The following PUDP variants were observed in gnomAD, a reference collection of about 807,000 sequenced individuals.
PUDP encodes the protein pseudouridine 5'-phosphatase.
A neutral mutation model predicts 9.4 loss-of-function variants in PUDP; 8 were observed. That is an observed-to-expected ratio of 0.85 (90% CI 0.50 to 1.53). The LOEUF (loss-of-function observed/expected upper bound fraction) is 1.53, where lower values mean the gene tolerates loss of function less well. PUDP is among the 40% of genes most tolerant of loss of function. PUDP has a pLI of 0.00. For synonymous variants in PUDP, 99 were observed against 80.7 expected (o/e 1.23, Z -1.22); for missense variants, 188 against 189.7 (o/e 0.99, Z 0.05).
chrX:6,921,906 C>T (rs889518309), intron 3 of PUDP, among the ~76,000 whole-genome samples: 3 of 111,649 alleles, frequency 2.7e-5, no homozygotes, highest in Non-Finnish European at 1.9e-5. Flanking sequence ...CCGGGCTCAT[C>T]TGTCAAACCA....
chrX:7,132,736 C>G (rs1351399785), intron 1 of PUDP, among the ~76,000 whole-genome samples: 1 of 111,537 alleles, frequency 9.0e-6, no homozygotes, highest in Non-Finnish European at 1.9e-5. Context: ...ACAAAGGAAT[C>G]TAGGAAAATA....
At position 6,864,250 on chromosome X, in the gene PUDP, G is replaced by A. The variant is rs186991103; in HGVS notation, c.*247+112883C>T. Among the ~76,000 whole-genome samples, 192 of 112,038 alleles carry A rather than the reference G, an allele frequency of 1.7e-3. 1 individual carries two copies. Among genetic ancestry groups the A allele is most frequent in the African/African-American group, 6.2e-3 (191 of 30,885 alleles). ...TAATGTAATAACAGAGTTCTCTGTT[G>A]GTGTCCATGTTTGTGGCTGACTGTC... On this transcript the variant is annotated intron_variant and NMD_transcript_variant, in intron 3 of 3. Transcript: ENST00000655425.
chrX:6,790,285 G>A lies in PUDP; in HGVS notation c.*248-83819C>T, dbSNP rs187878316. On this transcript the variant is annotated intron_variant and NMD_transcript_variant, in intron 3 of 3. Transcript: ENST00000655425. ...TATTTCACCTCAAAATACACTCAGA[G>A]GAATTTGTACAAAAATGTTTACACT... 2.7e-5 allele frequency among the ~76,000 whole-genome samples: 3 copies of A among 111,974 alleles called. No individual in the cohort carries two copies. The East Asian group carries it at 8.4e-4, about 31-fold the overall frequency.
At chrX:6,843,214 G>A (rs773110677) in intron 3 of PUDP, among the ~76,000 whole-genome samples, 6 of 112,468 alleles carry the variant, frequency 5.3e-5, no homozygotes, top group Non-Finnish European at 9.4e-5. Context: ...CTAAACAGGG[G>A]CACCCTGGCT....
chrX:7,044,582 G>A (rs576460884), downstream of PUDP, among the ~76,000 whole-genome samples: 3 of 111,987 alleles, frequency 2.7e-5, no homozygotes, highest in East Asian at 8.4e-4. Context: ...GTGGATAATC[G>A]AATTGTGCCC....
rs759808999 is a variant in PUDP, at chrX:6,747,565, C to T, written c.*248-41099G>A. Among the ~76,000 whole-genome samples, 7 of 111,987 alleles carry T rather than the reference C, an allele frequency of 6.3e-5. No individual in the cohort carries two copies. In the South Asian group the frequency reaches 2.2e-3, roughly 36 times the overall value. ...ATACAGGAAATAATATCCCACATTGCTTTGGAAAGGTATATTTAAATATCA... is the reference window on the plus strand; with the variant it reads ...ATACAGGAAATAATATCCCACATTGTTTTGGAAAGGTATATTTAAATATCA... On this transcript the variant is annotated intron_variant and NMD_transcript_variant, in intron 3 of 3. Coordinates refer to the PUDP transcript ENST00000655425.
intron 3 of PUDP, among the ~76,000 whole-genome samples, chrX:7,076,704 C>G (rs1375798209): frequency 8.9e-6 from 1 of 111,999 alleles, no homozygotes; most frequent in Non-Finnish European, 1.9e-5. Flanking sequence ...CTGCCACTTT[C>G]CAATGGAGAA....
intron 3 of PUDP, among the ~76,000 whole-genome samples, chrX:6,969,942 T>A (rs183567370): frequency 8.9e-6 from 1 of 112,544 alleles, no homozygotes. Context: ...GTAATTGCTT[T>A]GTGTTGTGTA....
At chrX:6,744,431 A>G (rs917744907) in intron 3 of PUDP, among the ~76,000 whole-genome samples, 2 of 111,857 alleles carry the variant, frequency 1.8e-5, no homozygotes, top group East Asian at 2.8e-4. Flanking sequence ...TACGGCTACA[A>G]TGGAAGGTAT....
intron 1 of PUDP, among the ~76,000 whole-genome samples, chrX:6,996,209 G>T (rs1294001355): frequency 8.9e-6 from 1 of 112,056 alleles, no homozygotes; most frequent in Non-Finnish European, 1.9e-5. Context: ...GCACACATTT[G>T]TGTTTCTTTA....
chrX:7,095,156 C>A (rs1931537194), intron 2 of PUDP, among the ~76,000 whole-genome samples: 1 of 112,580 alleles, frequency 8.9e-6, no homozygotes, highest in Admixed American at 9.3e-5. Flanking sequence ...GTCACCGCCA[C>A]ATCATCTGGG....
chrX:6,987,905 T>C (rs144963703), intron 1 of PUDP, among the ~76,000 whole-genome samples: 3,744 of 112,035 alleles, frequency 0.033, 79 homozygotes, highest in Non-Finnish European at 0.05. Context: ...GTGATTTCAT[T>C]TAATCTTATA....
chrX:7,101,936 A>G (rs1481735106), intron 2 of PUDP, among the ~76,000 whole-genome samples: 1 of 111,869 alleles, frequency 8.9e-6, no homozygotes, highest in Non-Finnish European at 1.9e-5. Context: ...TCCTAGAAAC[A>G]CACAACCTAC....
intron 3 of PUDP, among the ~76,000 whole-genome samples, chrX:6,911,898 T>C (rs1267093870): frequency 8.9e-6 from 1 of 112,056 alleles, no homozygotes; most frequent in Non-Finnish European, 1.9e-5. Flanking sequence ...ATTCTCTTTG[T>C]TTGTCCGGAT....
intron 1 of PUDP, among the ~76,000 whole-genome samples, chrX:6,716,503 A>G (rs1446914442): frequency 8.9e-6 from 1 of 112,132 alleles, no homozygotes; most frequent in Non-Finnish European, 1.9e-5. Flanking sequence ...TGTCGAAAGG[A>G]AAGTCCAGAA....
intron 1 of PUDP, among the ~76,000 whole-genome samples, chrX:7,121,144 TAAAAAG>T (rs1420864954): frequency 8.9e-6 from 1 of 111,912 alleles, no homozygotes; most frequent in Non-Finnish European, 1.9e-5. Context: ...AAAGTTGTTT[TAAAAAG>T]AAAAACTTAT....
In PUDP at chrX:6,889,931, G is replaced by C. The variant is rs757548687; in HGVS notation, c.*247+87202C>G. ...TGTGGGCAGACAGGATTTGAGACAT[G>C]ATTTGCTGAGCTGGGAGGTCACTTC... On this transcript the variant is annotated intron_variant and NMD_transcript_variant, in intron 3 of 3. Coordinates refer to the PUDP transcript ENST00000655425. Among the ~76,000 whole-genome samples the C allele has an allele frequency of 5.5e-4, 61 of 111,472 alleles. 1 individual carries two copies. The highest frequency in any genetic ancestry group is 1.1e-3 in the Non-Finnish European group (57 of 53,088).
At chrX:6,748,809 G>T (rs115014315) in intron 3 of PUDP, among the ~76,000 whole-genome samples, 1,450 of 112,041 alleles carry the variant, frequency 0.013, 28 homozygotes, top group African/African-American at 0.045. Flanking sequence ...AGTAGGTGTG[G>T]ACAAATTTGT....
At chrX:7,095,654 G>A (rs1188887553) in intron 2 of PUDP, among the ~76,000 whole-genome samples, 1 of 112,345 alleles carries the variant, frequency 8.9e-6, no homozygotes, top group Admixed American at 9.4e-5. Context: ...GTACACAAAT[G>A]GGTCCCTCTT....
Sources: gnomAD v4.1 joint callset for allele counts (sites outside exome capture counted in the v4.1 genomes callset) on GRCh38, gnomAD v4.1.1 for gene constraint, MANE v1.5 for transcripts, NCBI Gene and HGNC (gene_info 2026-07-23, HGNC 2026-07-21) for gene names.